DIPK1A: variants seen among roughly 807,000 people sequenced by gnomAD.
The protein encoded by DIPK1A is divergent protein kinase domain 1A.
A neutral mutation model predicts 40.8 loss-of-function variants in DIPK1A; 27 were observed. That is an observed-to-expected ratio of 0.66 (90% CI 0.49 to 0.91). The LOEUF (loss-of-function observed/expected upper bound fraction) is 0.91. DIPK1A is among the 40% of genes least tolerant of loss of function. The pLI is 0.00. For synonymous variants in DIPK1A, 166 were observed against 171.3 expected, an observed-to-expected ratio of 0.97 and a Z score of 0.24; for missense variants, 412 against 505.7, an observed-to-expected ratio of 0.81 and a Z score of 1.78.
In DIPK1A at chr1:92,937,077, A is replaced by C. The variant is rs142823275; in HGVS notation, c.54+24299T>G. ...TTCTTACCAGTTTTATGTCCAATTT[A>C]ATTGCACTTAAGTCCTTTGTCTCTT... is the stretch of plus-strand genomic sequence containing the variant. On this transcript the variant is annotated intron_variant, in intron 1 of 4. Transcript: ENST00000370310. Among the ~76,000 whole-genome samples, 28 of 152,346 alleles carry C rather than the reference A, an allele frequency of 1.8e-4. No individual in the cohort carries two copies. In the East Asian group the frequency reaches 5.2e-3, roughly 28 times the overall value.
At position 92,919,252 on chromosome 1, in the gene DIPK1A, T is replaced by C. The variant is rs1487153161; in HGVS notation, c.54+42124A>G. Among the ~76,000 whole-genome samples, 5 of 152,194 alleles carry C rather than the reference T, an allele frequency of 3.3e-5. No homozygotes were observed. The South Asian group carries it at 8.3e-4, about 25-fold the overall frequency. On this transcript the variant is annotated intron_variant, in intron 1 of 4. Transcript: ENST00000370310. ...ATATCATCAGCTATATTAGAGACCTTACCATTCTCTTAACTAAAAAGTCAC... is the reference window on the plus strand; with the variant it reads ...ATATCATCAGCTATATTAGAGACCTCACCATTCTCTTAACTAAAAAGTCAC...
At chr1:92,837,715 C>G, downstream of DIPK1A, 5 of 1,108,456 alleles carry the variant, frequency 4.5e-6, no homozygotes, top group South Asian at 6.5e-5. Context: ...AGGTAACATT[C>G]TTATATAGGT....
intron 2 of DIPK1A, among the ~76,000 whole-genome samples, chr1:92,859,015 C>A (rs1688079731): frequency 6.6e-6 from 1 of 152,134 alleles, no homozygotes. Flanking sequence ...CCTCTCTTGC[C>A]TGCACATACC....
At chr1:92,894,989 C>A (rs904514361) in intron 1 of DIPK1A, among the ~76,000 whole-genome samples, 4 of 152,020 alleles carry the variant, frequency 2.6e-5, no homozygotes, top group Non-Finnish European at 5.9e-5. Context: ...CAATAACAGG[C>A]TCTGAAATTG....
At chr1:92,881,392 T>C (rs1648370916) in intron 1 of DIPK1A, among the ~76,000 whole-genome samples, 1 of 151,328 alleles carries the variant, frequency 6.6e-6, no homozygotes, top group South Asian at 2.1e-4. Flanking sequence ...TCTTAATCTT[T>C]TTAAGAGGTG....
chr1:92,960,336 T>C (rs1652021587), intron 1 of DIPK1A, among the ~76,000 whole-genome samples: 1 of 152,196 alleles, frequency 6.6e-6, no homozygotes, highest in African/African-American at 2.4e-5. Flanking sequence ...TTCTCAACTT[T>C]TTTCATAATT....
At chr1:92,885,603 A>C (rs1293823865) in intron 1 of DIPK1A, among the ~76,000 whole-genome samples, 1 of 152,080 alleles carries the variant, frequency 6.6e-6, no homozygotes, top group African/African-American at 2.4e-5. Flanking sequence ...TGATCCGCCC[A>C]CCTCGGCCTC....
chr1:92,850,115 T>C (rs1687765464), intron 3 of DIPK1A, among the ~76,000 whole-genome samples: 1 of 151,288 alleles, frequency 6.6e-6, no homozygotes, highest in Non-Finnish European at 1.5e-5. Context: ...GAACCACAGG[T>C]GTGTGCCACC....
intron 2 of DIPK1A, among the ~76,000 whole-genome samples, chr1:92,875,219 ATT>A (rs1184842982): frequency 6.6e-6 from 1 of 151,820 alleles, no homozygotes; most frequent in Non-Finnish European, 1.5e-5. Context: ...GTAATTACTC[ATT>A]TTCTTTCCTG....
In DIPK1A at chr1:92,836,399, A is replaced by T; in HGVS notation, c.475-3365T>A. On this transcript the variant is annotated intron_variant, in intron 4 of 4. Coordinates refer to the DIPK1A transcript ENST00000615519. ...GCTTGTCTATCCCTCACAGGTAAGA[A>T]TACTATTTAAGACCTTGGTGCCTGG... 6.2e-6 allele frequency: 10 copies of T among 1,613,572 alleles called. No individual in the cohort carries two copies. The highest frequency in any genetic ancestry group is 8.5e-6 in the Non-Finnish European group (10 of 1,179,464).
chr1:92,899,917 G>A (rs1649337053), intron 1 of DIPK1A, among the ~76,000 whole-genome samples: 1 of 151,940 alleles, frequency 6.6e-6, no homozygotes, highest in Non-Finnish European at 1.5e-5. Context: ...GGTATTCCTG[G>A]CTGGCTATTT....
intron 1 of DIPK1A, among the ~76,000 whole-genome samples, chr1:92,882,112 G>T (rs1409564990): frequency 6.6e-6 from 1 of 152,216 alleles, no homozygotes; most frequent in African/African-American, 2.4e-5. Context: ...TTCTGGCCAG[G>T]TGTGGTGGCT....
chr1:92,949,316 C>A (rs1191097871), intron 1 of DIPK1A, among the ~76,000 whole-genome samples: 1 of 151,878 alleles, frequency 6.6e-6, no homozygotes, highest in Non-Finnish European at 1.5e-5. Flanking sequence ...CTCTTGTTGC[C>A]CAGGCTGGAG....
intron 1 of DIPK1A, among the ~76,000 whole-genome samples, chr1:92,880,942 A>C (rs772180815): frequency 2.6e-5 from 4 of 151,896 alleles, no homozygotes; most frequent in Non-Finnish European, 4.4e-5. Context: ...TTGTAATCTC[A>C]GCACTTTGGG....
intron 1 of DIPK1A, among the ~76,000 whole-genome samples, chr1:92,898,064 A>T (rs1649255801): frequency 6.6e-6 from 1 of 152,002 alleles, no homozygotes; most frequent in Non-Finnish European, 1.5e-5. Context: ...GTGTCACTGC[A>T]CTCTAGCCTG....
chr1:92,882,874 G>C (rs146181715), intron 1 of DIPK1A, among the ~76,000 whole-genome samples: 68 of 152,304 alleles, frequency 4.5e-4, no homozygotes, highest in African/African-American at 1.6e-3. Context: ...CACAGACTTA[G>C]AATGTTTGAA....
Position 92,843,648 on chromosome 1 carries a change from G to T in DIPK1A, c.1022C>A (p.Thr341Lys). 6.4e-7 allele frequency: 1 copy of T among 1,551,704 alleles called. No homozygotes were observed. The highest frequency in any genetic ancestry group is 1.2e-5 in the South Asian group (1 of 84,060). ...CTGATCACAGCTAGTTCTACAATCT[G>T]TGCCATAGACACAGTCCAAATCAGA... is the stretch of plus-strand genomic sequence containing the variant. The part of the protein sequence containing the change: ...CESDLDCVYG[T>K]DCRTSCDQST... The change falls in exon 5 of 5, where the codon ACA becomes AAA. Residue 341 changes from threonine to lysine, a missense_variant. Coordinates refer to ENST00000370310, the MANE Select transcript of DIPK1A (RefSeq NM_001006605.5).
intron 1 of DIPK1A, among the ~76,000 whole-genome samples, chr1:92,903,013 T>C (rs773861179): frequency 6.6e-6 from 1 of 152,194 alleles, no homozygotes; most frequent in Non-Finnish European, 1.5e-5. Context: ...AGGGTATGCA[T>C]TGCAGTTTTA....
At chr1:92,960,402 G>A (rs746361967) in intron 1 of DIPK1A, among the ~76,000 whole-genome samples, 4 of 152,106 alleles carry the variant, frequency 2.6e-5, no homozygotes, top group African/African-American at 4.8e-5. Flanking sequence ...TAATGTAAGC[G>A]GTAAAGGAAT....
Sources: allele counts gnomAD v4.1 joint callset (sites outside exome capture counted in the v4.1 genomes callset), GRCh38; gene constraint gnomAD v4.1.1; transcripts MANE v1.5; gene names NCBI Gene and HGNC (gene_info 2026-07-23, HGNC 2026-07-21).